Variants in HMGB1 observed in about 807,000 individuals in gnomAD.
HMGB1 encodes the protein high mobility group box 1.
For synonymous variants in HMGB1, 81 were observed against 84.0 expected (o/e 0.96, Z 0.19); for missense variants, 79 against 253.5 (o/e 0.31, Z 4.67).
intron 1 of HMGB1, among the ~76,000 whole-genome samples, chr13:30,566,043 C>T (rs1227014929): frequency 3.3e-5 from 5 of 152,164 alleles, no homozygotes; most frequent in Non-Finnish European, 5.9e-5. Context: ...CTGCCTGGCC[C>T]GTTTGGTTAT....
chr13:30,590,820 C>T (rs997633636), intron 1 of HMGB1, among the ~76,000 whole-genome samples: 4 of 152,164 alleles, frequency 2.6e-5, no homozygotes, highest in Admixed American at 6.5e-5. Flanking sequence ...ACCACGAAGG[C>T]ACCATGTTGG....
At chr13:30,488,373 G>A (rs1887408123) in intron 1 of HMGB1, among the ~76,000 whole-genome samples, 1 of 152,152 alleles carries the variant, frequency 6.6e-6, no homozygotes, top group African/African-American at 2.4e-5. Flanking sequence ...ACTAAGAAAT[G>A]GATCTGAATT....
chr13:30,590,828 T>G (rs1328305908), intron 1 of HMGB1, among the ~76,000 whole-genome samples: 1 of 152,130 alleles, frequency 6.6e-6, no homozygotes, highest in African/African-American at 2.4e-5. Context: ...GGCACCATGT[T>G]GGAAGCAGAG....
intron 1 of HMGB1, among the ~76,000 whole-genome samples, chr13:30,536,831 A>C (rs1868462303): frequency 6.6e-6 from 1 of 151,936 alleles, no homozygotes; most frequent in African/African-American, 2.4e-5. Context: ...ATACTCTCCA[A>C]CAGAACTTTA....
At chr13:30,468,369 C>T (rs1313763747), upstream of HMGB1, among the ~76,000 whole-genome samples, 1 of 152,172 alleles carries the variant, frequency 6.6e-6, no homozygotes, top group Non-Finnish European at 1.5e-5. Context: ...ATTCTTCTGC[C>T]TCAGCCTCCC....
At chr13:30,506,791 G>A (rs146582950) in intron 1 of HMGB1, among the ~76,000 whole-genome samples, 186 of 152,240 alleles carry the variant, frequency 1.2e-3, no homozygotes, top group Non-Finnish European at 2.1e-3. Flanking sequence ...AGGCTCTGGG[G>A]TTACCTGGCA....
intron 1 of HMGB1, among the ~76,000 whole-genome samples, chr13:30,604,890 TC>T (rs1337505538): frequency 6.6e-6 from 1 of 152,064 alleles, no homozygotes; most frequent in Non-Finnish European, 1.5e-5. Flanking sequence ...CATCTCCTGA[TC>T]CCGTGATCCA....
intron 1 of HMGB1, among the ~76,000 whole-genome samples, chr13:30,560,452 C>T (rs987842393): frequency 6.6e-6 from 1 of 152,122 alleles, no homozygotes; most frequent in Non-Finnish European, 1.5e-5. Flanking sequence ...AGTAGGGATA[C>T]CCCATTATAA....
chr13:30,589,013 T>C (rs1445698676), intron 1 of HMGB1, among the ~76,000 whole-genome samples: 1 of 151,974 alleles, frequency 6.6e-6, no homozygotes, highest in African/African-American at 2.4e-5. Flanking sequence ...ACCACTTTTT[T>C]TTTTTTTTTG....
Position 30,461,321 on chromosome 13 carries a change from T to C in HMGB1, c.*36A>G. On this transcript the variant is annotated 3_prime_UTR_variant, in exon 5 of 5. Coordinates refer to ENST00000341423, the MANE Select transcript of HMGB1 (RefSeq NM_002128.7). ...TTGTGTACAGGGGGGTTAAATGCTTTATAGACAAGAAAAAAAAAACTGCGC... is the reference window on the plus strand; with the variant it reads ...TTGTGTACAGGGGGGTTAAATGCTTCATAGACAAGAAAAAAAAAACTGCGC... 1 of 1,523,616 alleles carries C rather than the reference T, an allele frequency of 6.6e-7. No homozygotes were observed. The highest frequency in any genetic ancestry group is 8.7e-7 in the Non-Finnish European group (1 of 1,144,304). 94.4% of individuals were successfully genotyped at this position (1,523,616 alleles called of 1,614,324 possible).
chr13:30,462,246 A>C, intron 4 of HMGB1: 1 of 419,010 alleles, frequency 2.4e-6, no homozygotes, highest in Non-Finnish European at 4.5e-6. Flanking sequence ...AAGCCATTTG[A>C]AAATGCTCAT....
At chr13:30,553,808 T>C (rs878895763) in intron 1 of HMGB1, 36 of 1,375,306 alleles carry the variant, frequency 2.6e-5, no homozygotes, top group Non-Finnish European at 3.5e-5. Flanking sequence ...GAAATCGAAA[T>C]AGATACAGAG....
chr13:30,584,929 C>T (rs1344189928), intron 1 of HMGB1, among the ~76,000 whole-genome samples: 3 of 152,320 alleles, frequency 2.0e-5, no homozygotes, highest in African/African-American at 4.8e-5. Context: ...GGGAGGATCA[C>T]TTGATACCAG....
chr13:30,494,507 G>A (rs571449803), intron 1 of HMGB1, among the ~76,000 whole-genome samples: 49 of 152,126 alleles, frequency 3.2e-4, no homozygotes, highest in African/African-American at 9.4e-4. Context: ...GATTACAGGC[G>A]TGCGCCACCA....
intron 1 of HMGB1, among the ~76,000 whole-genome samples, chr13:30,474,589 C>A (rs748269117): frequency 1.3e-5 from 2 of 152,016 alleles, no homozygotes; most frequent in Non-Finnish European, 2.9e-5. Flanking sequence ...ACGTTTCATT[C>A]GGTCAAAGCG....
chr13:30,519,432 A>G (rs1888180739), intron 1 of HMGB1, among the ~76,000 whole-genome samples: 1 of 150,696 alleles, frequency 6.6e-6, no homozygotes, highest in African/African-American at 2.4e-5. Flanking sequence ...GCGGTGGTTC[A>G]CGCCTGTAAT....
chr13:30,465,104 G>A (rs1469726479), intron 1 of HMGB1: 18 of 944,794 alleles, frequency 1.9e-5, no homozygotes, highest in Non-Finnish European at 2.0e-5. Flanking sequence ...TCCCCCGCCC[G>A]CCCGCCTTGT....
intron 1 of HMGB1, among the ~76,000 whole-genome samples, chr13:30,608,395 T>C (rs538224508): frequency 6.6e-6 from 1 of 152,152 alleles, no homozygotes; most frequent in African/African-American, 2.4e-5. Flanking sequence ...AGCAACCCGA[T>C]GCAAAGTACT....
At chr13:30,466,648 T>C (rs1377267572), upstream of HMGB1, among the ~76,000 whole-genome samples, 1 of 152,218 alleles carries the variant, frequency 6.6e-6, no homozygotes, top group Non-Finnish European at 1.5e-5. Flanking sequence ...CCCTTTTTCT[T>C]GGTTTGATCG....
Sources: gnomAD v4.1 joint callset for allele counts (sites outside exome capture counted in the v4.1 genomes callset) on GRCh38, gnomAD v4.1.1 for gene constraint, MANE v1.5 for transcripts, NCBI Gene and HGNC (gene_info 2026-07-23, HGNC 2026-07-21) for gene names.